The following ZYG11B variants were observed in gnomAD, a reference collection of about 807,000 sequenced individuals.
ZYG11B encodes the protein protein zyg-11 homolog B.
In ZYG11B, 36 loss-of-function variants were observed where a neutral mutation model predicts 82.4. That is an observed-to-expected ratio of 0.44 (90% CI 0.33 to 0.58). The LOEUF is 0.58. Ranked by LOEUF, ZYG11B falls within the 20% of genes least tolerant of loss-of-function variation. ZYG11B has a pLI of 0.02. For synonymous variants in ZYG11B, 303 were observed against 312.8 expected, an observed-to-expected ratio of 0.97 and a Z score of 0.33; for missense variants, 552 against 895.6, an observed-to-expected ratio of 0.62 and a Z score of 4.90.
intron 10 of ZYG11B, chr1:52,805,554 G>A (rs933391438): frequency 8.8e-6 from 4 of 452,010 alleles, no homozygotes; most frequent in African/African-American, 4.0e-5. Context: ...TTTGTGGGTT[G>A]GGTGCAGTGG....
intron 4 of ZYG11B, 47 bp from the exon 5 acceptor site, chr1:52,784,830 G>A: frequency 6.4e-7 from 1 of 1,572,066 alleles, no homozygotes; most frequent in Non-Finnish European, 8.7e-7. Context: ...TGTGAAGAGG[G>A]CTTGTATTTA....
At chr1:52,772,724 C>G (rs1265562164) in intron 3 of ZYG11B, 2 of 669,590 alleles carry the variant, frequency 3.0e-6, no homozygotes, top group East Asian at 5.5e-5. Context: ...GTCGCCCAGG[C>G]TGGAGTGCAG....
intron 4 of ZYG11B, among the ~76,000 whole-genome samples, chr1:52,782,490 A>G (rs940840668): frequency 2.0e-5 from 3 of 152,126 alleles, no homozygotes; most frequent in African/African-American, 7.2e-5. Context: ...TCTTGAGCTC[A>G]GCAATCTTCT....
chr1:52,813,793 A>G (rs1050750250), intron 11 of ZYG11B, 60 bp downstream of exon 11: 6 of 1,612,786 alleles, frequency 3.7e-6, no homozygotes, highest in East Asian at 4.5e-5. Flanking sequence ...AAAGCCTCAT[A>G]ATGTAGTAAA....
At chr1:52,793,553 A>G (rs1644976851) in intron 6 of ZYG11B, among the ~76,000 whole-genome samples, 1 of 152,194 alleles carries the variant, frequency 6.6e-6, no homozygotes, top group Non-Finnish European at 1.5e-5. Context: ...TCCAAAGTGT[A>G]TGATGTTCTT....
intron 1 of ZYG11B, among the ~76,000 whole-genome samples, chr1:52,738,297 GCCT>G (rs1380573553): frequency 6.6e-6 from 1 of 152,072 alleles, no homozygotes; most frequent in Non-Finnish European, 1.5e-5. Flanking sequence ...TGCAGCCTCA[GCCT>G]CCTAAGTGGC....
chr1:52,754,725 T>G (rs972246038), intron 1 of ZYG11B, among the ~76,000 whole-genome samples: 1 of 152,172 alleles, frequency 6.6e-6, no homozygotes, highest in South Asian at 2.1e-4. Context: ...GTTTTTAATT[T>G]TTTTGAAGTT....
rs1645322245 is a variant in ZYG11B at position 52,826,009 on chromosome 1, AAAAC to A, written c.*4385_*4388del. 6.6e-6 allele frequency: 1 copy of A among 152,236 alleles called. No individual in the cohort carries two copies. Among genetic ancestry groups the A allele is most frequent in the Non-Finnish European group, 1.5e-5 (1 of 68,050 alleles). The allele number at this position is 152,236 out of a possible 1,614,324, so 9.4% of individuals were successfully genotyped here. A position where few individuals can be genotyped will look rare whatever the true frequency, so the allele number is the denominator to read the frequency against. On this transcript the variant is annotated 3_prime_UTR_variant, in exon 14 of 14. Transcript: ENST00000294353. ...CCAAGGTTAAAAAGAGGTAGCAGGG[AAAAC>A]AAACTTAAACTCTTTGTATATGGTG...
intron 13 of ZYG11B, 121 bp downstream of exon 13, chr1:52,816,750 G>GGCCATCTTA: frequency 1.5e-6 from 1 of 676,064 alleles, no homozygotes; most frequent in Non-Finnish European, 2.6e-6. Flanking sequence ...TAAAATGTAA[G>GGCCATCTTA]GCCATCTTAG....
intron 2 of ZYG11B, among the ~76,000 whole-genome samples, chr1:52,766,084 A>AT (rs1264561264): frequency 7.4e-6 from 1 of 134,474 alleles, no homozygotes; most frequent in African/African-American, 2.7e-5. Flanking sequence ...GTCTGTTTTC[A>AT]TTTTTTTCTT....
At chr1:52,768,226 G>A (rs1644715176) in intron 2 of ZYG11B, among the ~76,000 whole-genome samples, 1 of 152,122 alleles carries the variant, frequency 6.6e-6, no homozygotes, top group African/African-American at 2.4e-5. Context: ...GGAGGTTTTT[G>A]TCTGTGCCCA....
At chr1:52,744,838 A>T (rs1340663864) in intron 1 of ZYG11B, among the ~76,000 whole-genome samples, 1 of 152,100 alleles carries the variant, frequency 6.6e-6, no homozygotes, top group African/African-American at 2.4e-5. Context: ...GAGACTCCAT[A>T]TCAAAAAAAA....
rs574600354 is a variant in ZYG11B at position 52,768,840 on chromosome 1, C to T, written c.197-2180C>T. On this transcript the variant is annotated intron_variant, in intron 2 of 13. Transcript: ENST00000294353. ...AATTCCTGGCCTCAGGTGATCCATCCGCCTCGGCCTCCCAAAATGCTGGCA... is the reference window on the plus strand; with the variant it reads ...AATTCCTGGCCTCAGGTGATCCATCTGCCTCGGCCTCCCAAAATGCTGGCA... Among the ~76,000 whole-genome samples, 10 of 152,182 alleles carry T rather than the reference C, an allele frequency of 6.6e-5. No homozygotes were observed. In the South Asian group the frequency reaches 1.5e-3, roughly 22 times the overall value.
intron 1 of ZYG11B, among the ~76,000 whole-genome samples, chr1:52,731,542 A>G (rs578046757): frequency 6.6e-6 from 1 of 152,338 alleles, no homozygotes; most frequent in East Asian, 1.9e-4. Context: ...GAATATAAAA[A>G]TCATTGATAA....
intron 3 of ZYG11B, among the ~76,000 whole-genome samples, chr1:52,776,242 A>ATATC (rs1644808423): frequency 1.0e-5 from 1 of 99,286 alleles, no homozygotes; most frequent in African/African-American, 3.0e-5. Context: ...ATATATATAT[A>ATATC]TATGCAATAA....
intron 4 of ZYG11B, among the ~76,000 whole-genome samples, chr1:52,783,664 C>T (rs1644876462): frequency 1.3e-5 from 2 of 148,458 alleles, no homozygotes; most frequent in Admixed American, 1.3e-4. Context: ...CTCTGTCCCC[C>T]AGGCAGAAGT....
At chr1:52,778,310 A>C (rs1644826132) in intron 3 of ZYG11B, among the ~76,000 whole-genome samples, 1 of 152,102 alleles carries the variant, frequency 6.6e-6, no homozygotes, top group South Asian at 2.1e-4. Context: ...TGTTTTGTAG[A>C]GACAGGGTCT....
intron 1 of ZYG11B, among the ~76,000 whole-genome samples, chr1:52,727,152 T>C (rs1644293356): frequency 6.6e-6 from 1 of 151,938 alleles, no homozygotes; most frequent in Non-Finnish European, 1.5e-5. Flanking sequence ...CTTCTCCCCT[T>C]CGTCCTCTTC....
At chr1:52,794,067 C>T (rs1237735902) in intron 6 of ZYG11B, among the ~76,000 whole-genome samples, 28 of 151,922 alleles carry the variant, frequency 1.8e-4, no homozygotes, top group Admixed American at 5.3e-4. Context: ...CTCTGCCTCC[C>T]GGGTTCAAGT....
Sources: allele counts gnomAD v4.1 joint callset (sites outside exome capture counted in the v4.1 genomes callset), GRCh38; gene constraint gnomAD v4.1.1; transcripts MANE v1.5; gene names NCBI Gene and HGNC (gene_info 2026-07-23, HGNC 2026-07-21).